The following ATP13A4 variants were observed in gnomAD, a reference collection of about 807,000 sequenced individuals.
ATP13A4 encodes ATPase 13A4, also known as probable cation-transporting ATPase 13A4.
A neutral mutation model predicts 142.5 loss-of-function variants in ATP13A4; 114 were observed. That is an observed-to-expected ratio of 0.80 (90% CI 0.69 to 0.93). The LOEUF is 0.93. ATP13A4 is among the 40% of genes least tolerant of loss of function. The pLI is 0.00. For synonymous variants in ATP13A4, 488 were observed against 514.8 expected (o/e 0.95, Z 0.70); for missense variants, 1,392 against 1,454.0 (o/e 0.96, Z 0.69).
rs547107285 is a variant in ATP13A4 at position 193,502,577 on chromosome 3, G to T, written c.297C>A (p.Ser99Arg). 2 of 1,613,362 alleles carry T rather than the reference G, an allele frequency of 1.2e-6. No individual in the cohort carries two copies. The highest frequency in any genetic ancestry group is 3.3e-5 in the Admixed American group (2 of 60,012). The stretch of plus-strand genomic sequence containing the variant: ...GGTGGTCAGGAGTGAGACCAAATGC[G>T]CTGTTTAATGCTGACAGGTAGATCC... ...VIWIYLSALN[S>R]AFGLTPDHPL... Residue 99 changes from serine (S) to arginine (R), a missense_variant, in exon 3 of 30, where the codon AGC becomes AGA. By Grantham distance (110) the Ser-to-Arg change is moderately radical. Coordinates refer to ENST00000342695, the MANE Select transcript of ATP13A4 (RefSeq NM_032279.4).
chr3:193,546,359 C>T (rs1723222138), intron 1 of ATP13A4, among the ~76,000 whole-genome samples: 1 of 152,150 alleles, frequency 6.6e-6, no homozygotes, highest in African/African-American at 2.4e-5. Flanking sequence ...TCCTTTCCTG[C>T]TGCATAAACC....
chr3:193,474,669 AAAAG>A (rs1362764407), intron 8 of ATP13A4, among the ~76,000 whole-genome samples: 2 of 148,216 alleles, frequency 1.3e-5, no homozygotes, highest in Non-Finnish European at 3.0e-5. Context: ...GAAAGAAAGA[AAAAG>A]AAAGAAAAAA....
At chr3:193,418,445 G>C (rs1715229312) in intron 25 of ATP13A4, among the ~76,000 whole-genome samples, 1 of 149,668 alleles carries the variant, frequency 6.7e-6, no homozygotes, top group Non-Finnish European at 1.5e-5. Context: ...AACTAAACGA[G>C]AGTGTCAGAA....
At position 193,448,335 on chromosome 3, in the gene ATP13A4, A is replaced by C. The variant is rs563196168; in HGVS notation, c.2028-5T>G. On this transcript the variant is annotated splice_region_variant and splice_polypyrimidine_tract_variant and intron_variant, in intron 17 of 29. Transcript: ENST00000342695. Reference sequence around the variant, plus strand: ...AGGTCTGATTCTACCGTCTCCCTGAAAATACATATATAGATGTATTGAACA... The same window carrying C: ...AGGTCTGATTCTACCGTCTCCCTGACAATACATATATAGATGTATTGAACA... 1.2e-6 allele frequency: 2 copies of C among 1,613,702 alleles called. No homozygotes were observed. The highest frequency in any genetic ancestry group is 2.7e-5 in the African/African-American group (2 of 75,062).
Position 193,489,982 on chromosome 3 carries a change from T to C in ATP13A4, c.604-118A>G, listed in dbSNP as rs796928066. On this transcript the variant is annotated intron_variant, in intron 6 of 29. Coordinates refer to ENST00000342695, the MANE Select transcript of ATP13A4 (RefSeq NM_032279.4). ...TACATCATCCCACACAATATTCTTA[T>C]TATATTTATTCGGCAATTGACACGT... The C allele has an allele frequency of 1.1e-5, 13 of 1,182,762 alleles. No homozygotes were observed. In the African/African-American group the frequency reaches 1.9e-4, roughly 17 times the overall value. The allele number at this position is 1,182,762 out of a possible 1,614,324, so 73.3% of individuals were successfully genotyped here.
At chr3:193,407,494 T>G in intron 28 of ATP13A4, 101 bp from the exon 29 acceptor site, 3 of 815,648 alleles carry the variant, frequency 3.7e-6, no homozygotes, top group African/African-American at 1.7e-5. Context: ...ATAAATCTCA[T>G]ATGTAATATA....
intron 16 of ATP13A4, among the ~76,000 whole-genome samples, chr3:193,455,131 A>G (rs751765382): frequency 7.9e-5 from 12 of 152,058 alleles, no homozygotes; most frequent in Middle Eastern, 3.4e-3. Context: ...GAGGTCAGGA[A>G]ATCGAGACCA....
chr3:193,474,344 A>AAAAC (rs1553847124), intron 8 of ATP13A4, among the ~76,000 whole-genome samples: 12,037 of 100,010 alleles, frequency 0.12, 491 homozygotes, highest in South Asian at 0.15. Flanking sequence ...AAAAAAAAAA[A>AAAAC]AAACAAACAA....
intron 12 of ATP13A4, 72 bp downstream of exon 12, chr3:193,464,868 G>A (rs941095958): frequency 1.3e-6 from 2 of 1,501,742 alleles, no homozygotes; most frequent in African/African-American, 1.4e-5. Context: ...CCTTGCAAGG[G>A]GGTAAAAGTA....
chr3:193,443,332 A>G (rs914442562), intron 18 of ATP13A4, among the ~76,000 whole-genome samples: 1 of 152,144 alleles, frequency 6.6e-6, no homozygotes, highest in African/African-American at 2.4e-5. Context: ...AAGAAAGATA[A>G]CCCCAAAAAC....
At chr3:193,428,756 A>C (rs1274043013) in intron 25 of ATP13A4, among the ~76,000 whole-genome samples, 8 of 130,812 alleles carry the variant, frequency 6.1e-5, no homozygotes, top group Non-Finnish European at 1.1e-4. Flanking sequence ...ACTCTTGGAC[A>C]CAGGAAGGGG....
intron 25 of ATP13A4, among the ~76,000 whole-genome samples, chr3:193,431,425 G>T (rs959624266): frequency 2.6e-5 from 4 of 152,030 alleles, no homozygotes; most frequent in Non-Finnish European, 4.4e-5. Flanking sequence ...TTCATCAGCA[G>T]ATAGATAATA....
At chr3:193,414,525 G>T (rs988782599) in intron 26 of ATP13A4, 54 bp downstream of exon 26, 1 of 1,597,808 alleles carries the variant, frequency 6.3e-7, no homozygotes, top group African/African-American at 1.3e-5. Context: ...TTGGCCAGAG[G>T]ATGTTTGATA....
At chr3:193,468,343 G>T (rs1282236276) in intron 9 of ATP13A4, among the ~76,000 whole-genome samples, 1 of 152,196 alleles carries the variant, frequency 6.6e-6, no homozygotes, top group Non-Finnish European at 1.5e-5. Flanking sequence ...TGAGGTTGGA[G>T]GCTGGGCTGG....
At chr3:193,518,282 T>C (rs538568614) in intron 1 of ATP13A4, among the ~76,000 whole-genome samples, 2 of 152,336 alleles carry the variant, frequency 1.3e-5, no homozygotes, top group Non-Finnish European at 2.9e-5. Flanking sequence ...ACTTCAAATG[T>C]ATGAGCTCCA....
intron 8 of ATP13A4, among the ~76,000 whole-genome samples, chr3:193,482,868 A>C (rs565883940): frequency 6.6e-6 from 1 of 152,208 alleles, no homozygotes; most frequent in African/African-American, 2.4e-5. Context: ...TATCTAGTAC[A>C]TGACCCAGCT....
chr3:193,471,674 T>TCACA (rs3052495), intron 8 of ATP13A4, among the ~76,000 whole-genome samples: 65,811 of 150,518 alleles, frequency 0.44, 14,097 homozygotes, highest in Admixed American at 0.48. Context: ...TATTGTCACT[T>TCACA]CACACACACA....
chr3:193,451,656 A>G (rs1431861630), intron 17 of ATP13A4, among the ~76,000 whole-genome samples: 1 of 152,258 alleles, frequency 6.6e-6, no homozygotes, highest in Admixed American at 6.5e-5. Context: ...TGTAATATAT[A>G]GAAAGCATTG....
intron 1 of ATP13A4, among the ~76,000 whole-genome samples, chr3:193,544,192 G>A (rs997193296): frequency 9.2e-5 from 14 of 152,172 alleles, no homozygotes; most frequent in Admixed American, 3.9e-4. Context: ...TTACTTCTAA[G>A]TAAGAAACCA....
Sources: allele counts gnomAD v4.1 joint callset (sites outside exome capture counted in the v4.1 genomes callset), GRCh38; gene constraint gnomAD v4.1.1; transcripts MANE v1.5; gene names NCBI Gene and HGNC (gene_info 2026-07-23, HGNC 2026-07-21).